CNTN6: variants seen among roughly 807,000 people sequenced by gnomAD.
The protein encoded by CNTN6 is contactin-6.
A neutral mutation model predicts 122.8 loss-of-function variants in CNTN6; 137 were observed. The ratio of observed to expected loss-of-function variants is 1.12; its 90% confidence interval spans 0.97 to 1.29. The LOEUF is 1.29. CNTN6 is among the 50% of genes most tolerant of loss of function. The pLI, the probability that CNTN6 is intolerant of heterozygous loss-of-function variation, is 0.00. For synonymous variants in CNTN6, 570 were observed against 426.0 expected (o/e 1.34, Z -4.16); for missense variants, 1,634 against 1,223.4 (o/e 1.34, Z -5.01).
chr3:1,129,433 C>A (rs561675340), intron 1 of CNTN6, among the ~76,000 whole-genome samples: 2 of 152,106 alleles, frequency 1.3e-5, no homozygotes, highest in Middle Eastern at 3.4e-3. Flanking sequence ...GTACCGTCTT[C>A]ATGCATATAG....
At chr3:1,147,825 A>G (rs1293139408) in intron 1 of CNTN6, 102 bp from the exon 2 acceptor site, 7 of 462,804 alleles carry the variant, frequency 1.5e-5, no homozygotes, top group Admixed American at 1.4e-4. Flanking sequence ...ATTTTGGATA[A>G]TAATATTAAT....
chr3:1,311,923 T>C (rs561127054), intron 7 of CNTN6, among the ~76,000 whole-genome samples: 1 of 152,186 alleles, frequency 6.6e-6, no homozygotes, highest in South Asian at 2.1e-4. Flanking sequence ...GGACATTTAG[T>C]TTCCATCAAT....
In CNTN6 at chr3:1,220,719, CAGG is replaced by C. The variant is rs761350114; in HGVS notation, c.91_93del (p.Glu31del). 8.1e-6 allele frequency: 13 copies of C among 1,612,560 alleles called. No individual in the cohort carries two copies. Among genetic ancestry groups the C allele is most frequent in the Admixed American group, 1.7e-5 (1 of 59,824 alleles). On this transcript the variant is annotated inframe_deletion, in exon 3 of 23. Transcript: ENST00000446702. Reference sequence around the variant, plus strand: ...TCTTTTAAGCCGTCCTATTTTTACTCAGGAGCCACATGATGTCATTTTTCCTTT... The same window carrying C: ...TCTTTTAAGCCGTCCTATTTTTACTCAGCCACATGATGTCATTTTTCCTTT...
chr3:1,381,132 ACT>A (rs1191752286), intron 17 of CNTN6, among the ~76,000 whole-genome samples: 3 of 152,010 alleles, frequency 2.0e-5, no homozygotes, highest in South Asian at 4.2e-4. Flanking sequence ...CAAAAACAAA[ACT>A]CCCCTATTTA....
intron 22 of CNTN6, 73 bp downstream of exon 22, chr3:1,402,559 A>G (rs13326014): frequency 0.26 from 341,897 of 1,290,770 alleles, 47,300 homozygotes; most frequent in Non-Finnish European, 0.28. Flanking sequence ...GCTCCATGAA[A>G]CCTTCCAGTT....
chr3:1,190,647 A>T (rs1228063413), intron 2 of CNTN6, among the ~76,000 whole-genome samples: 1 of 152,218 alleles, frequency 6.6e-6, no homozygotes, highest in African/African-American at 2.4e-5. Context: ...ACAGAAAGAA[A>T]AAAAGCTGTA....
intron 11 of CNTN6, among the ~76,000 whole-genome samples, chr3:1,337,814 C>A (rs1209625903): frequency 6.6e-6 from 1 of 152,100 alleles, no homozygotes; most frequent in Non-Finnish European, 1.5e-5. Context: ...GATAGTCTTG[C>A]CTGTTTCACA....
chr3:1,273,872 A>G (rs1691830574), intron 4 of CNTN6, among the ~76,000 whole-genome samples: 1 of 152,228 alleles, frequency 6.6e-6, no homozygotes, highest in Admixed American at 6.5e-5. Context: ...CAGTGTTCTT[A>G]TCAGCAGTGT....
intron 1 of CNTN6, among the ~76,000 whole-genome samples, chr3:1,097,401 G>C (rs2090587849): frequency 6.6e-6 from 1 of 152,142 alleles, no homozygotes; most frequent in African/African-American, 2.4e-5. Context: ...ATAAATAACT[G>C]AATTTCCCTA....
At chr3:1,268,131 T>G (rs1451066153) in intron 4 of CNTN6, among the ~76,000 whole-genome samples, 2 of 152,194 alleles carry the variant, frequency 1.3e-5, no homozygotes, top group Non-Finnish European at 2.9e-5. Flanking sequence ...AAATGAACAT[T>G]TGCCAAAAGG....
chr3:1,293,106 C>T (rs1260269112), intron 5 of CNTN6, among the ~76,000 whole-genome samples: 3 of 152,132 alleles, frequency 2.0e-5, no homozygotes, highest in South Asian at 2.1e-4. Context: ...TTCCTGGGAA[C>T]GATATCAGGG....
chr3:1,125,662 A>C (rs2092133775), intron 1 of CNTN6, among the ~76,000 whole-genome samples: 1 of 151,686 alleles, frequency 6.6e-6, no homozygotes, highest in Admixed American at 6.6e-5. Context: ...AGTGTCAGCT[A>C]CTAGATGCAC....
chr3:1,348,065 T>C (rs1335769642), intron 11 of CNTN6, among the ~76,000 whole-genome samples: 2 of 147,770 alleles, frequency 1.4e-5, no homozygotes, highest in East Asian at 4.0e-4. Flanking sequence ...GCTAATGGAG[T>C]CCGGTACAGT....
intron 1 of CNTN6, among the ~76,000 whole-genome samples, chr3:1,141,426 A>G (rs2092605726): frequency 6.6e-6 from 1 of 152,196 alleles, no homozygotes; most frequent in Non-Finnish European, 1.5e-5. Flanking sequence ...GTCCTGATAA[A>G]CTAAATCCAC....
At chr3:1,279,730 C>T (rs570566086) in intron 5 of CNTN6, among the ~76,000 whole-genome samples, 7 of 152,280 alleles carry the variant, frequency 4.6e-5, no homozygotes, top group South Asian at 2.1e-4. Flanking sequence ...AAGCAATTTA[C>T]TTTTAATGTT....
chr3:1,402,345 A>G lies in CNTN6; in HGVS notation c.2845A>G (p.Lys949Glu). 6.2e-7 allele frequency: 1 copy of G among 1,611,112 alleles called. No homozygotes were observed. Among genetic ancestry groups the G allele is most frequent in the Non-Finnish European group, 8.5e-7 (1 of 1,178,714 alleles). ...TCTGTACCGGCAAAACAGACAGAGT[A>G]AAACTCATATTTTGGAAACAAACAA... The part of the protein sequence containing the change: ...KILYRQNRQS[K>E]THILETNNTS... Residue 949 changes from lysine to glutamate, a missense_variant, in exon 22 of 23, where the codon AAA becomes GAA. By Grantham distance (56) the Lys-to-Glu change is moderately conservative. Transcript: ENST00000446702.
chr3:1,376,605 TTA>T (rs1427894841), intron 16 of CNTN6, among the ~76,000 whole-genome samples: 2 of 151,524 alleles, frequency 1.3e-5, no homozygotes, highest in East Asian at 3.9e-4. Flanking sequence ...AAAAATTAGT[TTA>T]GTTTGTTTAT....
intron 2 of CNTN6, among the ~76,000 whole-genome samples, chr3:1,212,259 T>C (rs915284058): frequency 7.3e-5 from 11 of 150,108 alleles, no homozygotes; most frequent in Non-Finnish European, 1.2e-4. Context: ...CTTGTTTTTT[T>C]TTTTTTTTTT....
intron 1 of CNTN6, among the ~76,000 whole-genome samples, chr3:1,135,963 G>A (rs780648416): frequency 2.0e-5 from 3 of 152,166 alleles, no homozygotes; most frequent in Admixed American, 6.5e-5. Flanking sequence ...CTGCACTCCA[G>A]CCTGGGTGAC....
Sources: gnomAD v4.1 joint callset for allele counts (sites outside exome capture counted in the v4.1 genomes callset) on GRCh38, gnomAD v4.1.1 for gene constraint, MANE v1.5 for transcripts, NCBI Gene and HGNC (gene_info 2026-07-23, HGNC 2026-07-21) for gene names.